SGF29: variants seen among roughly 807,000 people sequenced by gnomAD.
The protein encoded by SGF29 is SAGA complex associated factor 29.
Under a neutral mutation model 38.1 loss-of-function variants are expected in SGF29, and 15 were observed. That is an observed-to-expected ratio of 0.39 (90% CI 0.26 to 0.61). The LOEUF is 0.61. Among genes scored for constraint, SGF29 ranks in the 20% least tolerant of loss-of-function variants. The pLI, the probability that SGF29 is intolerant of heterozygous loss-of-function variation, is 0.49. For synonymous variants in SGF29, 151 were observed against 160.8 expected, an observed-to-expected ratio of 0.94 and a Z score of 0.46; for missense variants, 184 against 394.6, an observed-to-expected ratio of 0.47 and a Z score of 4.52.
At chr16:28,571,620 C>A (rs12447461) in intron 1 of SGF29, among the ~76,000 whole-genome samples, 47,769 of 149,098 alleles carry the variant, frequency 0.32, 8,445 homozygotes, top group Non-Finnish European at 0.38. Context: ...GATTCTGAAT[C>A]TTTGGGAAGC....
At chr16:28,567,578 C>T (rs1444302973) in intron 1 of SGF29, among the ~76,000 whole-genome samples, 1 of 152,112 alleles carries the variant, frequency 6.6e-6, no homozygotes, top group East Asian at 1.9e-4. Context: ...TGAGTTTTGA[C>T]GTTCATACTA....
intron 2 of SGF29, among the ~76,000 whole-genome samples, chr16:28,583,353 G>C (rs895770054): frequency 3.9e-5 from 6 of 152,182 alleles, no homozygotes; most frequent in African/African-American, 1.4e-4. Flanking sequence ...GGTCCAGATT[G>C]CAGCGGCAGC....
intron 1 of SGF29, among the ~76,000 whole-genome samples, chr16:28,577,861 A>T (rs973862307): frequency 5.0e-4 from 76 of 152,302 alleles, no homozygotes; most frequent in African/African-American, 1.8e-3. Context: ...TTGTCCCAGT[A>T]CCATTTGTTG....
At chr16:28,555,834 G>A (rs908434435) in intron 1 of SGF29, among the ~76,000 whole-genome samples, 2 of 152,136 alleles carry the variant, frequency 1.3e-5, no homozygotes, top group Non-Finnish European at 2.9e-5. Flanking sequence ...TGTCATAATA[G>A]CCTAATGGTG....
At chr16:28,554,157 G>A (rs539127420) in intron 1 of SGF29, 60 bp downstream of exon 1, 15 of 152,312 alleles carry the variant, frequency 9.8e-5, no homozygotes, top group Middle Eastern at 3.4e-3. Context: ...GAAGGGCTGA[G>A]TCCTCCCTCC....
intron 1 of SGF29, among the ~76,000 whole-genome samples, chr16:28,568,387 G>A (rs1049795733): frequency 6.7e-6 from 1 of 150,292 alleles, no homozygotes; most frequent in Non-Finnish European, 1.5e-5. Flanking sequence ...ATGAATTAGT[G>A]ACTGGCTATA....
chr16:28,585,204 G>T, intron 3 of SGF29: 1 of 551,210 alleles, frequency 1.8e-6, no homozygotes, highest in Non-Finnish European at 3.2e-6. Flanking sequence ...AAATGAGGCT[G>T]TATCTAGGGA....
At chr16:28,558,455 C>G (rs185465015) in intron 1 of SGF29, among the ~76,000 whole-genome samples, 3 of 151,956 alleles carry the variant, frequency 2.0e-5, no homozygotes, top group African/African-American at 7.3e-5. Context: ...GATAGAGCCT[C>G]GCTATGTTGA....
intron 5 of SGF29, chr16:28,589,481 T>G (rs1029890810): frequency 3.0e-6 from 1 of 331,036 alleles, no homozygotes; most frequent in African/African-American, 2.1e-5. Flanking sequence ...CTGGCTGGTT[T>G]CTGCAGAGCC....
intron 5 of SGF29, among the ~76,000 whole-genome samples, chr16:28,589,753 A>C (rs1042861993): frequency 2.0e-5 from 3 of 152,174 alleles, no homozygotes; most frequent in Non-Finnish European, 4.4e-5. Flanking sequence ...AAAAGTACAC[A>C]TAAGTGCAGA....
At chr16:28,569,089 A>T (rs1364722775) in intron 1 of SGF29, among the ~76,000 whole-genome samples, 1 of 152,118 alleles carries the variant, frequency 6.6e-6, no homozygotes, top group East Asian at 1.9e-4. Flanking sequence ...ACTCTGTCTC[A>T]AAATAAATAA....
At chr16:28,575,753 C>G (rs1360948532) in intron 1 of SGF29, among the ~76,000 whole-genome samples, 1 of 152,184 alleles carries the variant, frequency 6.6e-6, no homozygotes, top group Non-Finnish European at 1.5e-5. Context: ...AGATGGCCAA[C>G]AGCATATGAA....
At chr16:28,589,349 G>T in intron 5 of SGF29, 185 bp downstream of exon 5, 1 of 591,856 alleles carries the variant, frequency 1.7e-6, no homozygotes, top group Non-Finnish European at 3.0e-6. Flanking sequence ...CCAGAGGCAG[G>T]GGTTTCCCAG....
At chr16:28,577,355 A>C (rs2046900245) in intron 1 of SGF29, among the ~76,000 whole-genome samples, 1 of 151,944 alleles carries the variant, frequency 6.6e-6, no homozygotes, top group Non-Finnish European at 1.5e-5. Flanking sequence ...CTGGCCAAAA[A>C]AAAAAAACAA....
chr16:28,567,903 T>C (rs1217480242), intron 1 of SGF29, among the ~76,000 whole-genome samples: 1 of 152,182 alleles, frequency 6.6e-6, no homozygotes, highest in African/African-American at 2.4e-5. Flanking sequence ...TGGGCCAAGG[T>C]TGAGGACTGC....
chr16:28,584,838 A>ACTC, intron 2 of SGF29, 75 bp from the exon 3 acceptor site: 1 of 950,840 alleles, frequency 1.1e-6, no homozygotes, highest in Non-Finnish European at 1.6e-6. Flanking sequence ...GGGGATGGGG[A>ACTC]CTCTGGCCTG....
At chr16:28,574,806 T>C (rs7193402) in intron 1 of SGF29, among the ~76,000 whole-genome samples, 47,691 of 152,076 alleles carry the variant, frequency 0.31, 8,260 homozygotes, top group Non-Finnish European at 0.37. Flanking sequence ...CCCAAGACTT[T>C]AGCAACAGCC....
chr16:28,577,970 C>T (rs2046904589), intron 1 of SGF29, among the ~76,000 whole-genome samples: 1 of 152,056 alleles, frequency 6.6e-6, no homozygotes, highest in Non-Finnish European at 1.5e-5. Context: ...AACTAGATGT[C>T]TTTGCTTACA....
chr16:28,564,553 A>ATATATATATGTATATATATATACG (rs1567285611), intron 1 of SGF29, among the ~76,000 whole-genome samples: 5 of 108,720 alleles, frequency 4.6e-5, no homozygotes, highest in Admixed American at 1.0e-4. Flanking sequence ...ATATATACGT[A>ATATATATATGTATATATATATACG]TATATATATA....
Sources: allele counts gnomAD v4.1 joint callset (sites outside exome capture counted in the v4.1 genomes callset), GRCh38; gene constraint gnomAD v4.1.1; transcripts MANE v1.5; gene names NCBI Gene and HGNC (gene_info 2026-07-23, HGNC 2026-07-21).